ZNF568: variants seen among roughly 807,000 people sequenced by gnomAD.
ZNF568 encodes zinc finger protein 568.
Under a neutral mutation model 18.1 loss-of-function variants are expected in ZNF568, and 11 were observed. The ratio of observed to expected loss-of-function variants is 0.61; its 90% confidence interval spans 0.38 to 1.00. ZNF568 has a LOEUF of 1.00. Among genes scored for constraint, ZNF568 ranks in the 50% least tolerant of loss-of-function variants. The pLI, the probability that ZNF568 is intolerant of heterozygous loss-of-function variation, is 0.01. For missense variants in ZNF568, 639 were observed against 768.2 expected, an observed-to-expected ratio of 0.83 and a Z score of 1.99; for synonymous variants, 213 against 246.6, an observed-to-expected ratio of 0.86 and a Z score of 1.28.
intron 6 of ZNF568, among the ~76,000 whole-genome samples, chr19:36,965,378 C>G (rs901244308): frequency 2.6e-5 from 4 of 152,136 alleles, no homozygotes; most frequent in African/African-American, 9.7e-5. Context: ...AAAGCATTTT[C>G]TTCCTTAATT....
chr19:36,991,016 A>T (rs1297413509), intron 2 of ZNF568: 4 of 683,744 alleles, frequency 5.9e-6, no homozygotes, highest in African/African-American at 5.5e-5. Context: ...CACTCTGATC[A>T]CCCCTGTTTC....
chr19:36,974,541 T>A, intron 7 of ZNF568: 1 of 1,370,992 alleles, frequency 7.3e-7, no homozygotes, highest in Non-Finnish European at 1.0e-6. Context: ...GAAATTTATC[T>A]AAAATATTTA....
exon 8 of ZNF568, chr19:36,979,308 T>A (rs746563638): frequency 6.3e-6 from 1 of 158,224 alleles, no homozygotes; most frequent in Admixed American, 6.3e-5. Context: ...AAAACTGCTT[T>A]TTATTAAATA....
Position 36,949,567 on chromosome 19 carries a change from A to G in ZNF568, c.414A>G (p.Lys138=). Residue 138 remains lysine, a synonymous_variant, in exon 7 of 7, where the codon AAA becomes AAG. Coordinates refer to ENST00000333987, the MANE Select transcript of ZNF568 (RefSeq NM_198539.4). ...AGCAACAGGAAACACTTGTGAGGAAAGTCACATCCATCTCCAAGAAAATTC... is the reference window on the plus strand; with the variant it reads ...AGCAACAGGAAACACTTGTGAGGAAGGTCACATCCATCTCCAAGAAAATTC... ...IKKQQETLVR[K]VTSISKKILI... 1 of 1,610,308 alleles carries G rather than the reference A, an allele frequency of 6.2e-7. No homozygotes were observed. The highest frequency in any genetic ancestry group is 8.5e-7 in the Non-Finnish European group (1 of 1,178,572).
chr19:36,996,258 A>T, intron 4 of ZNF568: 1 of 1,261,948 alleles, frequency 7.9e-7, no homozygotes, highest in Admixed American at 2.9e-5. Context: ...TACTTTCAGG[A>T]CTTTTCTTTG....
intron 6 of ZNF568, among the ~76,000 whole-genome samples, chr19:36,945,310 G>A (rs910369183): frequency 8.0e-5 from 12 of 150,856 alleles, no homozygotes; most frequent in South Asian, 2.1e-4. Flanking sequence ...TAAACTGCAC[G>A]AGTCCACTTA....
chr19:36,922,873 C>G, intron 3 of ZNF568, 27 bp downstream of exon 3: 1 of 1,606,710 alleles, frequency 6.2e-7, no homozygotes, highest in Non-Finnish European at 8.5e-7. Flanking sequence ...GTGGACAGAG[C>G]TTAGGAGAGA....
At chr19:36,996,166 G>A (rs992640301) in intron 4 of ZNF568, 20 of 718,970 alleles carry the variant, frequency 2.8e-5, no homozygotes, top group South Asian at 1.8e-4. Flanking sequence ...AAAGCTCCTC[G>A]TTTTCTCATT....
At chr19:36,919,910 TAATA>T (rs2073422776) in intron 2 of ZNF568, among the ~76,000 whole-genome samples, 1 of 152,242 alleles carries the variant, frequency 6.6e-6, no homozygotes, top group African/African-American at 2.4e-5. Flanking sequence ...TTGGTAATGA[TAATA>T]AATATGTTAC....
rs370484034 is a variant in ZNF568, at chr19:36,937,418, T to C, written c.358+176T>C. ...ATTTCTAGGTATTATTCTTCCTATTTTGCAGATATTTTCCTCTTTTAAATT... is the reference window on the plus strand; with the variant it reads ...ATTTCTAGGTATTATTCTTCCTATTCTGCAGATATTTTCCTCTTTTAAATT... On this transcript the variant is annotated intron_variant, in intron 6 of 6. Transcript: ENST00000333987. Among the ~76,000 whole-genome samples, 8 of 152,324 alleles carry C rather than the reference T, an allele frequency of 5.3e-5. No individual in the cohort carries two copies. In the East Asian group the frequency reaches 1.2e-3, roughly 22 times the overall value.
At chr19:36,959,011 T>C (rs766163023) in intron 6 of ZNF568, among the ~76,000 whole-genome samples, 1 of 152,222 alleles carries the variant, frequency 6.6e-6, no homozygotes, top group Non-Finnish European at 1.5e-5. Flanking sequence ...TGGATACCTT[T>C]TATTTCTTTC....
chr19:36,983,180 T>A (rs1452921590), downstream of ZNF568, among the ~76,000 whole-genome samples: 2 of 152,206 alleles, frequency 1.3e-5, no homozygotes, highest in African/African-American at 2.4e-5. Flanking sequence ...ATGGCAGAGT[T>A]GAGGAGTTGC....
At chr19:36,980,392 A>G (rs2074321629), downstream of ZNF568, 1 of 152,134 alleles carries the variant, frequency 6.6e-6, no homozygotes, top group Admixed American at 6.6e-5. Flanking sequence ...CATTTGGATA[A>G]TATCTGAAAC....
In ZNF568 at chr19:36,952,070, T is replaced by C; in HGVS notation, c.*982T>C. On this transcript the variant is annotated 3_prime_UTR_variant, in exon 7 of 7. Coordinates refer to ENST00000333987, the MANE Select transcript of ZNF568 (RefSeq NM_198539.4). ...TTTTTTTTTTTCAAGACAAAAGGAC[T>C]CTGTAATTCCACTTCTAGGTATATA... The C allele has an allele frequency of 1.5e-5, 14 of 912,078 alleles. No homozygotes were observed. Among genetic ancestry groups the C allele is most frequent in the Non-Finnish European group, 1.8e-5 (14 of 790,308 alleles). 56.5% of individuals were successfully genotyped at this position (912,078 alleles called of 1,614,324 possible). A position where few individuals can be genotyped will look rare whatever the true frequency, so the allele number is the denominator to read the frequency against.
In ZNF568 at chr19:36,937,133, A is replaced by G. The variant is rs145913579; in HGVS notation, c.263-14A>G. 64 of 1,612,218 alleles carry G rather than the reference A, an allele frequency of 4.0e-5. No individual in the cohort carries two copies. The African/African-American group carries it at 7.1e-4, about 18-fold the overall frequency. On this transcript the variant is annotated splice_polypyrimidine_tract_variant and intron_variant, in intron 5 of 6. Coordinates refer to ENST00000333987, the MANE Select transcript of ZNF568 (RefSeq NM_198539.4). ...AGCATTGACATCCACATCCTTTGCT[A>G]TTTCTTGTAATAGGCTGTCAAGTCA...
chr19:36,926,484 G>T (rs1440253478), intron 4 of ZNF568, among the ~76,000 whole-genome samples: 1 of 152,180 alleles, frequency 6.6e-6, no homozygotes, highest in African/African-American at 2.4e-5. Context: ...TGAAGTGCAT[G>T]ACTGTGGACA....
intron 6 of ZNF568, among the ~76,000 whole-genome samples, chr19:36,964,181 T>C (rs1451909878): frequency 6.6e-6 from 1 of 151,918 alleles, no homozygotes. Context: ...AAACATTTGT[T>C]AGATTTGCTT....
chr19:36,942,467 C>T (rs2073897027), intron 6 of ZNF568, among the ~76,000 whole-genome samples: 1 of 151,312 alleles, frequency 6.6e-6, no homozygotes, highest in African/African-American at 2.4e-5. Flanking sequence ...GGCGTGGTGG[C>T]GGGTGCCTGT....
chr19:36,922,778 CTCAATCT>C lies in ZNF568; in HGVS notation c.12_18del (p.Ser5Ter). On this transcript the variant is annotated frameshift_variant, in exon 3 of 7. Transcript: ENST00000333987. LOFTEE classifies it high-confidence loss of function. ...AGAGCAGGCAGGGTCTGAATGACAT[CTCAATCT>C]TCAGTGATCAGCAATAGCTGTGTGA... The C allele has an allele frequency of 6.2e-7, 1 of 1,613,958 alleles. No homozygotes were observed. The highest frequency in any genetic ancestry group is 1.1e-5 in the South Asian group (1 of 91,020).
Sources: gnomAD v4.1 joint callset for allele counts (sites outside exome capture counted in the v4.1 genomes callset) on GRCh38, gnomAD v4.1.1 for gene constraint, MANE v1.5 for transcripts, NCBI Gene and HGNC (gene_info 2026-07-23, HGNC 2026-07-21) for gene names.